SLC44A5: variants seen among roughly 807,000 people sequenced by gnomAD.
The protein encoded by SLC44A5 is solute carrier family 44 member 5.
SLC44A5 carries 57 observed loss-of-function variants against 101.8 expected under a neutral mutation model. The observed-to-expected ratio is 0.56, with a 90% confidence interval of 0.45 to 0.70. The LOEUF (loss-of-function observed/expected upper bound fraction) is 0.70. Ranked by LOEUF, SLC44A5 falls within the 30% of genes least tolerant of loss-of-function variation. The pLI is 0.00. For missense variants in SLC44A5, 737 were observed against 853.1 expected, an observed-to-expected ratio of 0.86 and a Z score of 1.70; for synonymous variants, 281 against 290.9, an observed-to-expected ratio of 0.97 and a Z score of 0.35.
the SLC44A5 span, among the ~76,000 whole-genome samples, chr1:75,712,754 C>T: frequency 6.9e-6 from 1 of 144,174 alleles, no homozygotes; most frequent in East Asian, 2.0e-4. Flanking sequence ...AAAATGCTGT[C>T]GTTTAAAAAA....
At position 75,379,932 on chromosome 1, in the gene SLC44A5, C is replaced by G. The variant is rs1360783187; in HGVS notation, c.52+16651G>C. On this transcript the variant is annotated intron_variant, in intron 3 of 23. Transcript: ENST00000370859. ...CCAACTACAACAGGTAGAGAGCCAC[C>G]TGACTTATGTCCAAGATGTAAAAAA... Among the ~76,000 whole-genome samples the G allele has an allele frequency of 8.5e-5, 7 of 82,426 alleles. 3 individuals are homozygous for G. The highest frequency in any genetic ancestry group is 1.5e-4 in the Non-Finnish European group (7 of 47,846). The allele number at this position is 82,426 out of a possible 152,430, so 54.1% of individuals were successfully genotyped here.
intron 2 of SLC44A5, among the ~76,000 whole-genome samples, chr1:75,409,862 A>G (rs1024164066): frequency 1.2e-4 from 19 of 152,032 alleles, no homozygotes; most frequent in Non-Finnish European, 2.5e-4. Context: ...GTTGTTTCAG[A>G]ACTTATTCTC....
intron 6 of SLC44A5, among the ~76,000 whole-genome samples, chr1:75,258,602 T>G (rs1650221291): frequency 6.6e-6 from 1 of 152,096 alleles, no homozygotes. Context: ...GGGTCCAGCT[T>G]CAGCAGACTT....
chr1:75,399,869 A>G (rs984056849), intron 2 of SLC44A5, among the ~76,000 whole-genome samples: 15 of 152,224 alleles, frequency 9.9e-5, no homozygotes. Context: ...TTTACAAAAA[A>G]ATACCTGCAC....
At chr1:75,465,081 T>A (rs909210680) in intron 2 of SLC44A5, among the ~76,000 whole-genome samples, 1 of 152,200 alleles carries the variant, frequency 6.6e-6, no homozygotes. Context: ...AGCTACAGAA[T>A]ACACATTTTT....
chr1:75,361,657 T>C (rs980027888), intron 3 of SLC44A5, among the ~76,000 whole-genome samples: 1 of 152,174 alleles, frequency 6.6e-6, no homozygotes, highest in Non-Finnish European at 1.5e-5. Flanking sequence ...ATTTTTTATT[T>C]GCATATGTTG....
chr1:75,644,278 C>T, the SLC44A5 span, among the ~76,000 whole-genome samples: 8 of 152,012 alleles, frequency 5.3e-5, no homozygotes, highest in Admixed American at 5.2e-4. Context: ...TTAAATGTGT[C>T]ATTTAACCAT....
intron 2 of SLC44A5, among the ~76,000 whole-genome samples, chr1:75,476,477 C>G (rs901993718): frequency 5.3e-5 from 8 of 152,168 alleles, no homozygotes; most frequent in African/African-American, 1.9e-4. Context: ...TGCAAGGGGT[C>G]AGGGAGTTCT....
chr1:75,505,488 C>T (rs1353509060), intron 2 of SLC44A5, among the ~76,000 whole-genome samples: 1 of 152,156 alleles, frequency 6.6e-6, no homozygotes, highest in Admixed American at 6.5e-5. Context: ...TATAAGTCTT[C>T]CCTTTTCTCT....
the SLC44A5 span, among the ~76,000 whole-genome samples, chr1:75,718,463 T>A: frequency 6.6e-6 from 1 of 152,158 alleles, no homozygotes; most frequent in African/African-American, 2.4e-5. Context: ...GAATGGGACA[T>A]TAACAGAAGC....
At chr1:75,282,987 C>A (rs539826265) in intron 5 of SLC44A5, among the ~76,000 whole-genome samples, 1 of 152,106 alleles carries the variant, frequency 6.6e-6, no homozygotes, top group Non-Finnish European at 1.5e-5. Context: ...GTATCTTTTT[C>A]GTATAATGAT....
intron 3 of SLC44A5, among the ~76,000 whole-genome samples, chr1:75,384,244 G>T (rs1168691814): frequency 1.3e-5 from 2 of 152,210 alleles, no homozygotes; most frequent in African/African-American, 4.8e-5. Context: ...ATGCTCCAAT[G>T]GAAAGACACA....
At chr1:75,247,524 C>T (rs977899241) in intron 7 of SLC44A5, among the ~76,000 whole-genome samples, 3 of 151,898 alleles carry the variant, frequency 2.0e-5, no homozygotes, top group African/African-American at 7.3e-5. Context: ...GGTGTTAAAC[C>T]CAATGGACTA....
intron 2 of SLC44A5, among the ~76,000 whole-genome samples, chr1:75,409,398 G>T (rs10874262): frequency 6.6e-6 from 1 of 151,954 alleles, no homozygotes; most frequent in East Asian, 1.9e-4. Flanking sequence ...AAACCTGCAC[G>T]TGTACTCCTT....
intron 2 of SLC44A5, among the ~76,000 whole-genome samples, chr1:75,535,293 A>G (rs1670936877): frequency 6.6e-6 from 1 of 152,172 alleles, no homozygotes; most frequent in Non-Finnish European, 1.5e-5. Context: ...TTGAAGGAAG[A>G]AGGAGGAAAG....
intron 3 of SLC44A5, among the ~76,000 whole-genome samples, chr1:75,392,284 T>C (rs1661843243): frequency 6.6e-6 from 1 of 151,784 alleles, no homozygotes. Context: ...CCAACAAAGG[T>C]CTAATATCCA....
At chr1:75,413,197 T>C (rs1036093795) in intron 2 of SLC44A5, among the ~76,000 whole-genome samples, 2 of 152,126 alleles carry the variant, frequency 1.3e-5, no homozygotes, top group African/African-American at 4.8e-5. Context: ...TAGGTGTATA[T>C]AGAAAAAATA....
At chr1:75,577,435 C>T (rs937795201) in intron 1 of SLC44A5, among the ~76,000 whole-genome samples, 1 of 152,212 alleles carries the variant, frequency 6.6e-6, no homozygotes, top group African/African-American at 2.4e-5. Context: ...GAAGCATGCT[C>T]CCGCCTCAGA....
At chr1:75,604,029 C>T (rs1419633446) in intron 1 of SLC44A5, among the ~76,000 whole-genome samples, 2 of 151,868 alleles carry the variant, frequency 1.3e-5, no homozygotes, top group Non-Finnish European at 2.9e-5. Context: ...TTAGGTCTCA[C>T]TTGCAATTTT....
Sources: gnomAD v4.1 joint callset for allele counts (sites outside exome capture counted in the v4.1 genomes callset) on GRCh38, gnomAD v4.1.1 for gene constraint, MANE v1.5 for transcripts, NCBI Gene and HGNC (gene_info 2026-07-23, HGNC 2026-07-21) for gene names.